The following NRXN1 variants were observed in gnomAD, a reference collection of about 807,000 sequenced individuals.
NRXN1 encodes the protein neurexin 1, also known as neurexin-1.
Under a neutral mutation model 150.9 loss-of-function variants are expected in NRXN1, and 39 were observed. The observed-to-expected ratio is 0.26, with a 90% CI of 0.20 to 0.34. The LOEUF (loss-of-function observed/expected upper bound fraction) is 0.34. Ranked by LOEUF, NRXN1 falls within the 10% of genes least tolerant of loss-of-function variation. The pLI is 1.00. For synonymous variants in NRXN1, 924 were observed against 757.0 expected, an observed-to-expected ratio of 1.22 and a Z score of -3.62; for missense variants, 1,815 against 1,949.9, an observed-to-expected ratio of 0.93 and a Z score of 1.30.
intron 5 of NRXN1, among the ~76,000 whole-genome samples, chr2:50,789,814 A>G (rs932023667): frequency 2.0e-5 from 3 of 152,194 alleles, no homozygotes; most frequent in African/African-American, 7.2e-5. Context: ...GAAATCAAAC[A>G]TGCAAGATGT....
intron 18 of NRXN1, among the ~76,000 whole-genome samples, chr2:50,212,298 G>C (rs1195399841): frequency 1.0e-5 from 1 of 99,200 alleles, no homozygotes; most frequent in Admixed American, 9.5e-5. Context: ...CTTTGAATTT[G>C]CAAAAAAAAA....
At chr2:50,548,388 G>A (rs1043103689) in intron 9 of NRXN1, among the ~76,000 whole-genome samples, 1 of 152,130 alleles carries the variant, frequency 6.6e-6, no homozygotes, top group Non-Finnish European at 1.5e-5. Flanking sequence ...ATTCACAAGA[G>A]AACACCAGTT....
At chr2:50,656,884 C>CTA (rs1410335149) in intron 5 of NRXN1, among the ~76,000 whole-genome samples, 1 of 152,024 alleles carries the variant, frequency 6.6e-6, no homozygotes, top group Non-Finnish European at 1.5e-5. Context: ...CCAAGAATAT[C>CTA]TGCAGTTTTG....
chr2:50,431,371 G>A lies in NRXN1; in HGVS notation c.3364+34071C>T, dbSNP rs569352573. Among the ~76,000 whole-genome samples the A allele has an allele frequency of 1.2e-4, 19 of 152,118 alleles. 1 individual carries two copies. The South Asian group carries it at 3.7e-3, about 30-fold the overall frequency. ...CCAAGATACTTTAAAAACTCCCTTG[G>A]TTCTTTCTGTAGCTCTTTAATTGCT... On this transcript the variant is annotated intron_variant, in intron 17 of 22. Transcript: ENST00000401669.
At chr2:50,990,757 A>T (rs1698424266) in intron 2 of NRXN1, among the ~76,000 whole-genome samples, 1 of 151,972 alleles carries the variant, frequency 6.6e-6, no homozygotes, top group Non-Finnish European at 1.5e-5. Flanking sequence ...CTTTTCTCCC[A>T]GGAGCTGTTT....
intron 5 of NRXN1, among the ~76,000 whole-genome samples, chr2:50,731,556 C>T (rs543926525): frequency 6.6e-6 from 1 of 152,178 alleles, no homozygotes; most frequent in Admixed American, 6.5e-5. Flanking sequence ...CACCAATGAT[C>T]TAGAATGGTG....
At chr2:49,933,830 C>T (rs1354121555) in intron 22 of NRXN1, among the ~76,000 whole-genome samples, 1 of 152,168 alleles carries the variant, frequency 6.6e-6, no homozygotes, top group East Asian at 1.9e-4. Context: ...TTGCAATATG[C>T]ACTGCACACA....
chr2:50,824,478 T>G lies in NRXN1; in HGVS notation c.832+97391A>C, dbSNP rs1344262479. Reference sequence around the variant, plus strand: ...AAAGACTACCATTCCTAAAATCTTATGATTTCACAATTTTCTGCATAGAAG... The same window carrying G: ...AAAGACTACCATTCCTAAAATCTTAGGATTTCACAATTTTCTGCATAGAAG... On this transcript the variant is annotated intron_variant, in intron 5 of 22. Transcript: ENST00000401669. Among the ~76,000 whole-genome samples the G allele has an allele frequency of 8.5e-5, 13 of 152,192 alleles. No homozygotes were observed. The South Asian group carries it at 2.5e-3, about 29-fold the overall frequency.
chr2:50,008,236 A>T (rs1685088020), intron 21 of NRXN1, among the ~76,000 whole-genome samples: 1 of 152,088 alleles, frequency 6.6e-6, no homozygotes, highest in African/African-American at 2.4e-5. Flanking sequence ...CTCCTAAGCA[A>T]GAGTGATTGG....
At chr2:50,732,810 G>C (rs1698265004) in intron 5 of NRXN1, among the ~76,000 whole-genome samples, 1 of 152,076 alleles carries the variant, frequency 6.6e-6, no homozygotes, top group South Asian at 2.1e-4. Flanking sequence ...CATCCGGCTT[G>C]CTTAAGATCC....
chr2:51,020,944 C>A (rs1014308563), intron 2 of NRXN1, among the ~76,000 whole-genome samples: 1 of 152,026 alleles, frequency 6.6e-6, no homozygotes, highest in African/African-American at 2.4e-5. Context: ...ATTTTCTGAA[C>A]AGCTCTAAAG....
At chr2:50,269,349 T>C (rs1016273514) in intron 17 of NRXN1, among the ~76,000 whole-genome samples, 4 of 152,204 alleles carry the variant, frequency 2.6e-5, no homozygotes, top group African/African-American at 7.2e-5. Flanking sequence ...TTGTATTTTG[T>C]AGCTGTATTT....
chr2:50,837,576 G>C (rs1672289317), intron 5 of NRXN1, among the ~76,000 whole-genome samples: 3 of 152,092 alleles, frequency 2.0e-5, no homozygotes, highest in Non-Finnish European at 4.4e-5. Flanking sequence ...TTGCATACCT[G>C]AGAGGACTCC....
At chr2:50,930,939 A>C in intron 2 of NRXN1, among the ~76,000 whole-genome samples, 1 of 152,176 alleles carries the variant, frequency 6.6e-6, no homozygotes, top group South Asian at 2.1e-4. Flanking sequence ...ATTTTAGGAT[A>C]CAGAGCAAGA....
intron 5 of NRXN1, among the ~76,000 whole-genome samples, chr2:50,778,069 C>G (rs947103756): frequency 7.9e-5 from 12 of 152,104 alleles, no homozygotes; most frequent in East Asian, 1.9e-4. Context: ...CTCCTCCCCC[C>G]CTTTTTTCTT....
intron 5 of NRXN1, among the ~76,000 whole-genome samples, chr2:50,664,452 C>T (rs142076151): frequency 5.9e-5 from 6 of 101,710 alleles, no homozygotes; most frequent in East Asian, 3.4e-4. Flanking sequence ...GTGGCGGGGG[C>T]GGGTGGGTAG....
intron 5 of NRXN1, among the ~76,000 whole-genome samples, chr2:50,752,968 C>T (rs1305005671): frequency 2.0e-5 from 3 of 151,758 alleles, no homozygotes; most frequent in African/African-American, 7.3e-5. Flanking sequence ...ATTTAATAGC[C>T]ATCTTTATTT....
chr2:50,603,295 G>A (rs1676571785), intron 8 of NRXN1, among the ~76,000 whole-genome samples: 1 of 152,172 alleles, frequency 6.6e-6, no homozygotes, highest in Non-Finnish European at 1.5e-5. Context: ...ATGGAAACCT[G>A]TAAAACTTAA....
intron 21 of NRXN1, among the ~76,000 whole-genome samples, chr2:50,047,853 G>T (rs954654452): frequency 3.9e-5 from 6 of 152,076 alleles, no homozygotes; most frequent in African/African-American, 1.4e-4. Context: ...GACTAGAAAG[G>T]TAGTAGAAAG....
Sources: gnomAD v4.1 joint callset for allele counts (sites outside exome capture counted in the v4.1 genomes callset) on GRCh38, gnomAD v4.1.1 for gene constraint, MANE v1.5 for transcripts, NCBI Gene and HGNC (gene_info 2026-07-23, HGNC 2026-07-21) for gene names.